The following NHS variants were observed in gnomAD, a reference collection of about 807,000 sequenced individuals.
NHS encodes actin remodeling regulator NHS.
Under a neutral mutation model 72.5 loss-of-function variants are expected in NHS, and 5 were observed. The observed-to-expected ratio is 0.07, with a 90% confidence interval of 0.04 to 0.14. The LOEUF (loss-of-function observed/expected upper bound fraction) is 0.14. Ranked by LOEUF, NHS falls within the 10% of genes least tolerant of loss-of-function variation. NHS has a pLI of 1.00. For missense variants in NHS, 1,072 were observed against 1,355.7 expected (o/e 0.79, Z 3.29); for synonymous variants, 464 against 547.7 (o/e 0.85, Z 2.13).
At chrX:17,634,050 T>G (rs771511321) in intron 1 of NHS, among the ~76,000 whole-genome samples, 3 of 111,751 alleles carry the variant, frequency 2.7e-5, no homozygotes, top group Non-Finnish European at 3.8e-5. Context: ...GCCCTTTGCT[T>G]TCTTCCCTCA....
At chrX:17,419,963 A>G (rs1270464351) in intron 1 of NHS, among the ~76,000 whole-genome samples, 1 of 111,401 alleles carries the variant, frequency 9.0e-6, no homozygotes, top group African/African-American at 3.3e-5. Context: ...TTCCATTTCC[A>G]TTGTATTAAC....
chrX:17,490,164 A>G (rs1367481208), intron 1 of NHS, among the ~76,000 whole-genome samples: 1 of 112,270 alleles, frequency 8.9e-6, no homozygotes, highest in Non-Finnish European at 1.9e-5. Context: ...TTTTGTTGCC[A>G]TTGCTTTTGG....
intron 1 of NHS, among the ~76,000 whole-genome samples, chrX:17,408,002 T>A (rs995327874): frequency 3.6e-5 from 4 of 111,346 alleles, no homozygotes; most frequent in Admixed American, 9.5e-5. Context: ...TAACAGTATA[T>A]GTATTTTTGT....
At chrX:17,665,665 A>G (rs1184781964) in intron 1 of NHS, among the ~76,000 whole-genome samples, 1 of 111,416 alleles carries the variant, frequency 9.0e-6, no homozygotes, top group Non-Finnish European at 1.9e-5. Context: ...TTAGGATTAT[A>G]TAGACTTCAT....
intron 1 of NHS, among the ~76,000 whole-genome samples, chrX:17,555,144 TC>T (rs1401877018): frequency 9.0e-6 from 1 of 110,747 alleles, no homozygotes; most frequent in African/African-American, 3.3e-5. Context: ...AGAAGAATCT[TC>T]CTTTCAGGGA....
chrX:17,436,501 A>T (rs2064723512), intron 1 of NHS, among the ~76,000 whole-genome samples: 1 of 110,104 alleles, frequency 9.1e-6, no homozygotes, highest in Admixed American at 9.8e-5. Context: ...TGCTTTCCTC[A>T]TAAATATATA....
At position 17,726,342 on chromosome X, in the gene NHS, G is replaced by A. The variant is rs1424387279; in HGVS notation, c.2236G>A (p.Asp746Asn). The A allele has an allele frequency of 8.2e-7, 1 of 1,212,176 alleles. No individual in the cohort carries two copies. The highest frequency in any genetic ancestry group is 1.1e-6 in the Non-Finnish European group (1 of 895,626). The change falls in exon 7 of 9, where the codon GAC becomes AAC. Residue 746 changes from aspartate (D) to asparagine (N), a missense_variant. Physicochemically the swap from Asp to Asn is conservative, Grantham distance 23. Coordinates refer to ENST00000676302, the MANE Select transcript of NHS (RefSeq NM_001291867.2). ...TTTTAGTCCTGAGCGTCCCAAGGCA[G>A]ACAGCCTGGGCTGCCCAAGCTTCAC... ...QDFSPERPKA[D>N]SLGCPSFTSM...
chrX:17,629,104 G>A (rs2065812771), intron 1 of NHS, among the ~76,000 whole-genome samples: 1 of 111,981 alleles, frequency 8.9e-6, no homozygotes, highest in Non-Finnish European at 1.9e-5. Context: ...GTGTGTGAAG[G>A]AAAAGAGAAA....
chrX:17,571,882 T>C (rs2065480796), intron 1 of NHS, among the ~76,000 whole-genome samples: 1 of 112,316 alleles, frequency 8.9e-6, no homozygotes, highest in South Asian at 3.7e-4. Context: ...TTCTTATTGG[T>C]TTCAAAGAAC....
intron 1 of NHS, among the ~76,000 whole-genome samples, chrX:17,584,192 C>T (rs183479331): frequency 1.3e-4 from 14 of 111,814 alleles, no homozygotes; most frequent in African/African-American, 6.5e-5. Flanking sequence ...CAAAAGAAGT[C>T]TGTCCTTCCT....
At position 17,580,578 on chromosome X, in the gene NHS, A is replaced by C. The variant is rs1357787497; in HGVS notation, c.566-107164A>C. On this transcript the variant is annotated intron_variant, in intron 1 of 8. Transcript: ENST00000676302. Reference sequence around the variant, plus strand: ...AGCTCAGCAGTGGGAGGCGTGGGGAACTGGTTGCAGTGTTAACTAGGGTTA... The same window carrying C: ...AGCTCAGCAGTGGGAGGCGTGGGGACCTGGTTGCAGTGTTAACTAGGGTTA... Among the ~76,000 whole-genome samples the C allele has an allele frequency of 2.7e-5, 3 of 112,261 alleles. No individual in the cohort carries two copies. In the East Asian group the frequency reaches 8.4e-4, roughly 31 times the overall value.
At chrX:17,512,731 C>T (rs1014296569) in intron 1 of NHS, among the ~76,000 whole-genome samples, 5 of 112,469 alleles carry the variant, frequency 4.4e-5, no homozygotes, top group African/African-American at 9.7e-5. Context: ...TTAAGACAAG[C>T]GTTTAGAGCA....
intron 1 of NHS, among the ~76,000 whole-genome samples, chrX:17,547,821 C>T (rs150032950): frequency 2.2e-3 from 241 of 111,992 alleles, no homozygotes; most frequent in African/African-American, 7.6e-3. Context: ...TCTGAGCTGA[C>T]TCAGCAGGGC....
chrX:17,419,516 G>A (rs2064613108), intron 1 of NHS, among the ~76,000 whole-genome samples: 1 of 111,654 alleles, frequency 9.0e-6, no homozygotes, highest in African/African-American at 3.3e-5. Context: ...TGGGAAGCCT[G>A]GGTGGTATTT....
At chrX:17,647,211 C>A (rs2065909985) in intron 1 of NHS, among the ~76,000 whole-genome samples, 1 of 112,345 alleles carries the variant, frequency 8.9e-6, no homozygotes, top group Non-Finnish European at 1.9e-5. Flanking sequence ...ATATGTTACC[C>A]CAGCATTTTC....
At chrX:17,575,351 C>CCATCACCAGTTTTTAAAATA (rs199872711) in intron 1 of NHS, among the ~76,000 whole-genome samples, 1 of 112,738 alleles carries the variant, frequency 8.9e-6, no homozygotes, top group African/African-American at 3.2e-5. Context: ...GCACACTGGC[C>CCATCACCAGTTTTTAAAATA]CATCACCAGT....
chrX:17,554,701 A>G (rs2065358245), intron 1 of NHS, among the ~76,000 whole-genome samples: 1 of 112,027 alleles, frequency 8.9e-6, no homozygotes, highest in Admixed American at 9.4e-5. Context: ...ACTGACCCGT[A>G]TATGTTGAGA....
chrX:17,377,905 C>G (rs1357850654), intron 1 of NHS, among the ~76,000 whole-genome samples: 1 of 112,358 alleles, frequency 8.9e-6, no homozygotes, highest in Admixed American at 9.4e-5. Context: ...GCGCTTTAAT[C>G]CTGCCTCCTT....
At chrX:17,545,159 T>C (rs1569277911) in intron 1 of NHS, among the ~76,000 whole-genome samples, 1 of 112,299 alleles carries the variant, frequency 8.9e-6, no homozygotes, top group Non-Finnish European at 1.9e-5. Context: ...GCCACCTTCA[T>C]GCCCCAAAGC....
Sources: allele counts gnomAD v4.1 joint callset (sites outside exome capture counted in the v4.1 genomes callset), GRCh38; gene constraint gnomAD v4.1.1; transcripts MANE v1.5; gene names NCBI Gene and HGNC (gene_info 2026-07-23, HGNC 2026-07-21).